Variants in PTK2 observed in about 807,000 individuals in gnomAD.
PTK2 encodes protein tyrosine kinase 2.
PTK2 carries 45 observed loss-of-function variants against 150.1 expected under a neutral mutation model. The ratio of observed to expected loss-of-function variants is 0.30; its 90% confidence interval spans 0.24 to 0.38. PTK2 has a LOEUF of 0.38. PTK2 is among the 10% of genes least tolerant of loss of function. The pLI, the probability that PTK2 is intolerant of heterozygous loss-of-function variation, is 1.00. For missense variants in PTK2, 919 were observed against 1,307.3 expected (o/e 0.70, Z 4.58); for synonymous variants, 432 against 449.2 (o/e 0.96, Z 0.48).
intron 5 of PTK2, among the ~76,000 whole-genome samples, chr8:140,863,655 C>T (rs116898046): frequency 2.0e-5 from 3 of 152,288 alleles, no homozygotes; most frequent in East Asian, 3.9e-4. Context: ...GGTCAGCAGA[C>T]TCTTCTATGC....
chr8:140,759,093 G>A (rs762089070), intron 16 of PTK2, among the ~76,000 whole-genome samples: 1 of 152,132 alleles, frequency 6.6e-6, no homozygotes, highest in East Asian at 1.9e-4. Flanking sequence ...ACGTTTGCAC[G>A]ATCATGAAAT....
intron 1 of PTK2, among the ~76,000 whole-genome samples, chr8:140,934,009 C>T (rs1362310051): frequency 6.6e-6 from 1 of 150,922 alleles, no homozygotes; most frequent in African/African-American, 2.4e-5. Flanking sequence ...AAAAAAATAC[C>T]TTTAACAAAT....
At chr8:140,667,120 A>G (rs984638199) in intron 30 of PTK2, among the ~76,000 whole-genome samples, 3 of 152,092 alleles carry the variant, frequency 2.0e-5, no homozygotes, top group African/African-American at 7.2e-5. Flanking sequence ...GGGGGAGGGG[A>G]AAAGAGGAGG....
At chr8:140,759,031 C>A (rs1341794326) in intron 16 of PTK2, among the ~76,000 whole-genome samples, 1 of 152,158 alleles carries the variant, frequency 6.6e-6, no homozygotes, top group Non-Finnish European at 1.5e-5. Flanking sequence ...TATTATATAG[C>A]CTAGATGTGT....
intron 22 of PTK2, among the ~76,000 whole-genome samples, chr8:140,728,621 C>T (rs532155553): frequency 8.9e-4 from 136 of 152,276 alleles, no homozygotes; most frequent in African/African-American, 3.1e-3. Context: ...TGGGTTCATG[C>T]GATTCTCCTG....
intron 1 of PTK2, among the ~76,000 whole-genome samples, chr8:140,944,369 T>C (rs983773898): frequency 2.0e-5 from 3 of 152,158 alleles, no homozygotes; most frequent in African/African-American, 7.2e-5. Context: ...GGTGGCACTA[T>C]TCTTCTCTCT....
Position 140,945,105 on chromosome 8 carries a change from T to A in PTK2, c.-121-19356A>T, listed in dbSNP as rs77243808. Among the ~76,000 whole-genome samples, 300 of 152,322 alleles carry A rather than the reference T, an allele frequency of 2.0e-3. 2 individuals are homozygous for A. Among genetic ancestry groups the A allele is most frequent in the African/African-American group, 7.0e-3 (289 of 41,574 alleles). On this transcript the variant is annotated intron_variant, in intron 1 of 31. Coordinates refer to ENST00000522684, the Ensembl canonical transcript of PTK2. Reference sequence around the variant, plus strand: ...TGTTCTTGCCTGAAAACTGAAGTGGTACTACAGCACTCATTCCTGCACTGA... The same window carrying A: ...TGTTCTTGCCTGAAAACTGAAGTGGAACTACAGCACTCATTCCTGCACTGA...
intron 1 of PTK2, chr8:141,000,793 T>C: frequency 1.4e-5 from 1 of 72,218 alleles, no homozygotes. Flanking sequence ...GCTCCCGGCC[T>C]CCCCACGTCC....
chr8:140,878,303 C>T (rs938986260), intron 4 of PTK2, among the ~76,000 whole-genome samples: 30 of 152,010 alleles, frequency 2.0e-4, no homozygotes, highest in Non-Finnish European at 1.6e-4. Flanking sequence ...TTTTATTCAA[C>T]ATAAGATTTA....
intron 31 of PTK2, among the ~76,000 whole-genome samples, chr8:140,661,740 A>AG (rs1480433003): frequency 6.6e-6 from 1 of 152,172 alleles, no homozygotes; most frequent in East Asian, 1.9e-4. Flanking sequence ...GGGCCAGAGC[A>AG]GGGGGTCTCA....
intron 27 of PTK2, among the ~76,000 whole-genome samples, chr8:140,679,022 T>G (rs1339842307): frequency 9.3e-6 from 1 of 107,920 alleles, no homozygotes; most frequent in South Asian, 3.3e-4. Flanking sequence ...TTTTTTTTTT[T>G]TTTTTTTTTT....
chr8:140,855,983 G>A (rs952103152), intron 5 of PTK2, among the ~76,000 whole-genome samples: 11 of 152,076 alleles, frequency 7.2e-5, no homozygotes, highest in South Asian at 4.1e-4. Context: ...AAGAAAAAGC[G>A]TACGATTTTA....
intron 14 of PTK2, among the ~76,000 whole-genome samples, chr8:140,775,476 C>A (rs969973344): frequency 2.6e-5 from 4 of 151,892 alleles, no homozygotes; most frequent in African/African-American, 4.8e-5. Flanking sequence ...CGGAGTGAGA[C>A]CCTGCCTTAA....
At chr8:140,957,972 A>C (rs568141559) in intron 1 of PTK2, among the ~76,000 whole-genome samples, 21 of 152,330 alleles carry the variant, frequency 1.4e-4, no homozygotes, top group Middle Eastern at 3.4e-3. Context: ...ATCCACAGTG[A>C]TAGATTTTAT....
rs573854838 is a variant in PTK2, at chr8:140,803,459, C to T, written c.975+84G>A. The T allele has an allele frequency of 7.2e-6, 8 of 1,118,836 alleles. No homozygotes were observed. In the East Asian group the frequency reaches 1.7e-4, roughly 23 times the overall value. The allele number at this position is 1,118,836 out of a possible 1,614,324, so 69.3% of individuals were successfully genotyped here. A position where few individuals can be genotyped will look rare whatever the true frequency, so the allele number is the denominator to read the frequency against. ...TGATTCTGATGATCCATAAAAACTT[C>T]ATCCTTTTCATAAAAAAGTCAACAA... On this transcript the variant is annotated intron_variant, in intron 11 of 31. Coordinates refer to ENST00000522684, the Ensembl canonical transcript of PTK2.
At chr8:140,668,364 C>G in exon 30 of PTK2, 1 of 1,613,998 alleles carries the variant, frequency 6.2e-7, no homozygotes, top group Non-Finnish European at 8.5e-7. Flanking sequence ...TTCTCGTACA[C>G]CTTATCATTC....
intron 4 of PTK2, among the ~76,000 whole-genome samples, chr8:140,874,793 T>C (rs1407290395): frequency 6.6e-6 from 1 of 152,194 alleles, no homozygotes; most frequent in Non-Finnish European, 1.5e-5. Flanking sequence ...TAAGCTAATA[T>C]TGTTTGGTTC....
At chr8:140,739,025 C>A in exon 21 of PTK2, 1 of 1,566,064 alleles carries the variant, frequency 6.4e-7, no homozygotes, top group South Asian at 1.2e-5. Context: ...CACCAAACAT[C>A]CATACGTCAC....
At chr8:140,746,098 G>C (rs1045446819) in intron 18 of PTK2, among the ~76,000 whole-genome samples, 1 of 152,058 alleles carries the variant, frequency 6.6e-6, no homozygotes, top group Non-Finnish European at 1.5e-5. Flanking sequence ...TTGCGAGGCC[G>C]AGGCAGGCGG....
Sources: gnomAD v4.1 joint callset for allele counts (sites outside exome capture counted in the v4.1 genomes callset) on GRCh38, gnomAD v4.1.1 for gene constraint, MANE v1.5 for transcripts, NCBI Gene and HGNC (gene_info 2026-07-23, HGNC 2026-07-21) for gene names.